NNMT: variants seen among roughly 807,000 people sequenced by gnomAD.
The protein encoded by NNMT is nicotinamide N-methyltransferase.
Under a neutral mutation model 11.7 loss-of-function variants are expected in NNMT, and 10 were observed. The observed-to-expected ratio is 0.85, with a 90% CI of 0.53 to 1.45. The LOEUF (loss-of-function observed/expected upper bound fraction) is 1.45, where lower values mean the gene tolerates loss of function less well. NNMT is among the 40% of genes most tolerant of loss of function. The pLI, the probability that NNMT is intolerant of heterozygous loss-of-function variation, is 0.00. For synonymous variants in NNMT, 143 were observed against 133.8 expected (o/e 1.07, Z -0.48); for missense variants, 381 against 319.4 (o/e 1.19, Z -1.47).
At chr11:114,280,514 G>T (rs1945252037) in intron 2 of NNMT, among the ~76,000 whole-genome samples, 1 of 152,088 alleles carries the variant, frequency 6.6e-6, no homozygotes, top group African/African-American at 2.4e-5. Flanking sequence ...TGCCCGCCCT[G>T]CCCCAGAGAA....
In NNMT at chr11:114,297,753, T is replaced by C. The variant is rs143029825; in HGVS notation, c.155-198T>C. ...CCTCCTGCCTTGGCCTTCCAGAGTA[T>C]TGGGACTGTAGGCATGAGCCACTGT... is the stretch of plus-strand genomic sequence containing the variant. On this transcript the variant is annotated intron_variant, in intron 1 of 2. Transcript: ENST00000299964. 3.7e-3 allele frequency among the ~76,000 whole-genome samples: 563 copies of C among 152,308 alleles called. 5 individuals carry two copies. The highest frequency in any genetic ancestry group is 0.013 in the African/African-American group (547 of 41,552).
intron 2 of NNMT, among the ~76,000 whole-genome samples, chr11:114,266,312 A>G (rs1945119173): frequency 6.6e-6 from 1 of 152,090 alleles, no homozygotes; most frequent in Non-Finnish European, 1.5e-5. Flanking sequence ...GAGTTTTCCT[A>G]AATGTTTTAC....
intron 2 of NNMT, among the ~76,000 whole-genome samples, chr11:114,283,885 G>A (rs1039219685): frequency 2.6e-5 from 4 of 152,014 alleles, no homozygotes; most frequent in African/African-American, 9.7e-5. Context: ...TTTTTACATA[G>A]GTAATAAACA....
intron 2 of NNMT, among the ~76,000 whole-genome samples, chr11:114,303,331 G>T (rs1221082462): frequency 6.6e-6 from 1 of 152,142 alleles, no homozygotes; most frequent in Non-Finnish European, 1.5e-5. Flanking sequence ...GATAACCAAA[G>T]TCCCCTGGCA....
At chr11:114,264,523 C>T (rs1439927438) in intron 2 of NNMT, among the ~76,000 whole-genome samples, 1 of 152,192 alleles carries the variant, frequency 6.6e-6, no homozygotes, top group Non-Finnish European at 1.5e-5. Flanking sequence ...TCTCCCCACA[C>T]ACCAAGCAAG....
chr11:114,259,176 T>C (rs111373971), intron 1 of NNMT, among the ~76,000 whole-genome samples: 1 of 152,166 alleles, frequency 6.6e-6, no homozygotes, highest in African/African-American at 2.4e-5. Context: ...AAATCTTTGT[T>C]GTATAAATAG....
chr11:114,264,040 G>A (rs1945102529), intron 2 of NNMT, among the ~76,000 whole-genome samples: 2 of 152,066 alleles, frequency 1.3e-5, no homozygotes, highest in South Asian at 4.2e-4. Flanking sequence ...TGGACTATGT[G>A]TCCATCCTCT....
At chr11:114,271,349 G>A (rs1423471311) in intron 2 of NNMT, among the ~76,000 whole-genome samples, 1 of 152,186 alleles carries the variant, frequency 6.6e-6, no homozygotes, top group African/African-American at 2.4e-5. Flanking sequence ...AGGGAAAAGT[G>A]TCAGCCCTCG....
chr11:114,308,818 C>T (rs762416155), intron 2 of NNMT, among the ~76,000 whole-genome samples: 1 of 152,158 alleles, frequency 6.6e-6, no homozygotes, highest in Non-Finnish European at 1.5e-5. Flanking sequence ...CTGACTTCCC[C>T]AATGTTTGCT....
chr11:114,286,775 T>C (rs928320417), intron 2 of NNMT, among the ~76,000 whole-genome samples: 14 of 152,214 alleles, frequency 9.2e-5, no homozygotes, highest in Admixed American at 2.0e-4. Flanking sequence ...GATTTTTCTC[T>C]AGGTGTGTAC....
At chr11:114,302,846 T>A (rs1411911605) in intron 2 of NNMT, among the ~76,000 whole-genome samples, 4 of 152,110 alleles carry the variant, frequency 2.6e-5, no homozygotes, top group Non-Finnish European at 4.4e-5. Context: ...ATGAATGGGA[T>A]TAGTGCCCTT....
upstream of NNMT, among the ~76,000 whole-genome samples, chr11:114,294,217 T>C (rs1480692776): frequency 2.0e-5 from 3 of 152,068 alleles, no homozygotes; most frequent in Non-Finnish European, 4.4e-5. Flanking sequence ...GCGCAGTGGC[T>C]CACGCCTGTA....
At position 114,277,115 on chromosome 11, in the gene NNMT, C is replaced by T. The variant is rs561648920; in HGVS notation, c.-130+14181C>T. Among the ~76,000 whole-genome samples, 7 of 152,150 alleles carry T rather than the reference C, an allele frequency of 4.6e-5. No homozygotes were observed. The South Asian group carries it at 1.0e-3, about 23-fold the overall frequency. The stretch of plus-strand genomic sequence containing the variant: ...GCTCATGCCTGTAATCCCAGCTACT[C>T]GGGAGGCTGAAGCAGGAGAATCTCT... On this transcript the variant is annotated intron_variant, in intron 2 of 4. Coordinates refer to the NNMT transcript ENST00000535401.
intron 2 of NNMT, among the ~76,000 whole-genome samples, chr11:114,266,521 G>A (rs1945120615): frequency 6.6e-6 from 1 of 151,978 alleles, no homozygotes; most frequent in Non-Finnish European, 1.5e-5. Flanking sequence ...ACTGCCAAGA[G>A]CTCCTTGCCC....
intron 2 of NNMT, among the ~76,000 whole-genome samples, chr11:114,290,941 T>C (rs1945329743): frequency 6.6e-6 from 1 of 152,246 alleles, no homozygotes; most frequent in African/African-American, 2.4e-5. Context: ...TAACTATCAC[T>C]TGTGTTTTTT....
intron 1 of NNMT, among the ~76,000 whole-genome samples, chr11:114,259,347 T>TGTG (rs1555163660): frequency 8.7e-6 from 1 of 115,246 alleles, no homozygotes; most frequent in Non-Finnish European, 1.8e-5. Flanking sequence ...AGAGGCCCAG[T>TGTG]GGGGGGGGGG....
chr11:114,267,356 T>C (rs1047207561), intron 2 of NNMT, among the ~76,000 whole-genome samples: 3 of 152,202 alleles, frequency 2.0e-5, no homozygotes, highest in African/African-American at 4.8e-5. Context: ...TGTTTACTTG[T>C]CATGGTTCAT....
chr11:114,279,956 GT>G (rs1422348823), intron 2 of NNMT, among the ~76,000 whole-genome samples: 1 of 152,140 alleles, frequency 6.6e-6, no homozygotes, highest in Non-Finnish European at 1.5e-5. Flanking sequence ...GATGAAGGTG[GT>G]GGTGGACTAG....
At chr11:114,262,487 C>G (rs1411155035) in intron 1 of NNMT, among the ~76,000 whole-genome samples, 2 of 152,174 alleles carry the variant, frequency 1.3e-5, no homozygotes, top group Non-Finnish European at 2.9e-5. Flanking sequence ...CCTTTTAATG[C>G]AGTGAGTGAG....
Sources: gnomAD v4.1 joint callset for allele counts (sites outside exome capture counted in the v4.1 genomes callset) on GRCh38, gnomAD v4.1.1 for gene constraint, MANE v1.5 for transcripts, NCBI Gene and HGNC (gene_info 2026-07-23, HGNC 2026-07-21) for gene names.